EIF4G3: variants seen among roughly 807,000 people sequenced by gnomAD.
EIF4G3 encodes the protein eIF-4-gamma 3.
A neutral mutation model predicts 186.4 loss-of-function variants in EIF4G3; 34 were observed. The observed-to-expected ratio is 0.18, with a 90% confidence interval of 0.14 to 0.24. The LOEUF is 0.24. EIF4G3 is among the 10% of genes least tolerant of loss of function. The pLI is 1.00. For synonymous variants in EIF4G3, 673 were observed against 679.5 expected, an observed-to-expected ratio of 0.99 and a Z score of 0.15; for missense variants, 1,536 against 1,948.5, an observed-to-expected ratio of 0.79 and a Z score of 3.99.
At chr1:21,119,858 G>A (rs1382048029) in intron 2 of EIF4G3, among the ~76,000 whole-genome samples, 1 of 151,924 alleles carries the variant, frequency 6.6e-6, no homozygotes, top group Non-Finnish European at 1.5e-5. Flanking sequence ...CATCTTTCCA[G>A]AAATTTTCTA....
At chr1:20,990,127 T>C (rs972902510) in intron 7 of EIF4G3, among the ~76,000 whole-genome samples, 2 of 152,022 alleles carry the variant, frequency 1.3e-5, no homozygotes, top group African/African-American at 2.4e-5. Flanking sequence ...TGAGCAGAGA[T>C]TATGCCACTC....
intron 30 of EIF4G3, 66 bp from the exon 31 acceptor site, chr1:20,829,338 G>T: frequency 6.4e-7 from 1 of 1,568,590 alleles, no homozygotes; most frequent in Non-Finnish European, 8.7e-7. Flanking sequence ...TAAATAAAGA[G>T]ATAAAAAATC....
chr1:20,880,687 G>A (rs1258344211), intron 19 of EIF4G3, among the ~76,000 whole-genome samples: 1 of 152,190 alleles, frequency 6.6e-6, no homozygotes, highest in African/African-American at 2.4e-5. Flanking sequence ...GGAGGCAGCG[G>A]TTGCAATGAG....
At chr1:21,007,656 T>C (rs1373835262) in intron 4 of EIF4G3, among the ~76,000 whole-genome samples, 1 of 150,992 alleles carries the variant, frequency 6.6e-6, no homozygotes, top group African/African-American at 2.4e-5. Flanking sequence ...CAAGTCAACA[T>C]ACATCATGGA....
intron 26 of EIF4G3, among the ~76,000 whole-genome samples, chr1:20,853,954 C>T (rs891775330): frequency 8.6e-5 from 13 of 151,978 alleles, no homozygotes; most frequent in African/African-American, 3.1e-4. Flanking sequence ...GGAAGGCAAG[C>T]GAAAACAGAA....
intron 12 of EIF4G3, among the ~76,000 whole-genome samples, chr1:20,962,604 G>C (rs942932795): frequency 5.3e-5 from 8 of 152,132 alleles, no homozygotes; most frequent in African/African-American, 1.9e-4. Flanking sequence ...AGTACTGCCA[G>C]CATCACTGGT....
chr1:21,144,060 C>T (rs1220790084), intron 2 of EIF4G3, among the ~76,000 whole-genome samples: 2 of 152,174 alleles, frequency 1.3e-5, no homozygotes, highest in Non-Finnish European at 2.9e-5. Flanking sequence ...AAGCAAATAA[C>T]TAAATGAAGC....
At chr1:21,148,868 A>G (rs2097501960) in intron 2 of EIF4G3, among the ~76,000 whole-genome samples, 1 of 152,078 alleles carries the variant, frequency 6.6e-6, no homozygotes. Context: ...TGTTTTCAGT[A>G]AATTGTGGCA....
At chr1:20,853,828 G>C in intron 26 of EIF4G3, 151 bp from the exon 27 acceptor site, 1 of 607,124 alleles carries the variant, frequency 1.6e-6, no homozygotes, top group Non-Finnish European at 3.0e-6. Context: ...CATATTCTGA[G>C]AAGCAAAGTG....
chr1:21,166,339 A>T (rs867841962), intron 2 of EIF4G3, among the ~76,000 whole-genome samples: 31 of 152,120 alleles, frequency 2.0e-4, no homozygotes, highest in African/African-American at 7.2e-4. Context: ...CTGAGGCAGG[A>T]GGACTGCTTG....
At chr1:20,989,557 CAAAAAAAAAAAAAA>C (rs71014142) in intron 7 of EIF4G3, among the ~76,000 whole-genome samples, 4 of 34,700 alleles carry the variant, frequency 1.2e-4, no homozygotes, top group African/African-American at 3.5e-4. Context: ...AACTCCAACT[CAAAAAAAAAAAAAA>C]AAAAAAAAAA....
At chr1:20,919,174 T>C (rs1236000597) in intron 14 of EIF4G3, among the ~76,000 whole-genome samples, 3 of 152,300 alleles carry the variant, frequency 2.0e-5, no homozygotes, top group Middle Eastern at 3.4e-3. Context: ...CATATTGTCT[T>C]TTGATTTCCT....
intron 2 of EIF4G3, among the ~76,000 whole-genome samples, chr1:21,171,226 T>C (rs1403461352): frequency 6.6e-6 from 1 of 152,210 alleles, no homozygotes; most frequent in Non-Finnish European, 1.5e-5. Flanking sequence ...TGGCTAATAA[T>C]CAGGAACTAG....
At chr1:21,031,723 G>A (rs975461286) in intron 4 of EIF4G3, among the ~76,000 whole-genome samples, 1 of 152,156 alleles carries the variant, frequency 6.6e-6, no homozygotes, top group African/African-American at 2.4e-5. Context: ...AAAATAAAAA[G>A]TATATCCAGA....
In EIF4G3 at chr1:20,893,587, G is replaced by A. The variant is rs200708817; in HGVS notation, c.2183C>T (p.Pro728Leu). ...PMRTLDPRILPRGPDFTPAFA... is the reference protein window; with the variant it reads ...PMRTLDPRILLRGPDFTPAFA... ...GGCTGGTGTAAAGTCTGGTCCTCGA[G>A]GCAAAATTCGAGGATCCAGAGTTCG... is the stretch of plus-strand genomic sequence containing the variant. Residue 728 changes from proline (P) to leucine (L), a missense_variant, in exon 18 of 37, where the codon CCT becomes CTT. By Grantham distance (98) the Pro-to-Leu change is moderately conservative (BLOSUM62 -3). Transcript: ENST00000602326. 22 of 1,592,096 alleles carry A rather than the reference G, an allele frequency of 1.4e-5. No homozygotes were observed. The highest frequency in any genetic ancestry group is 1.6e-5 in the Non-Finnish European group (19 of 1,163,800).
At chr1:21,061,829 C>A (rs1302338587) in intron 3 of EIF4G3, among the ~76,000 whole-genome samples, 4 of 149,774 alleles carry the variant, frequency 2.7e-5, no homozygotes, top group Non-Finnish European at 4.4e-5. Flanking sequence ...CTCACTGTAA[C>A]CTTCACCTCC....
intron 2 of EIF4G3, among the ~76,000 whole-genome samples, chr1:21,128,796 G>A (rs1028719093): frequency 6.6e-6 from 1 of 152,078 alleles, no homozygotes; most frequent in African/African-American, 2.4e-5. Context: ...GTTTCTTGCA[G>A]TGAAATTTGA....
intron 2 of EIF4G3, among the ~76,000 whole-genome samples, chr1:21,123,018 T>C (rs1296059766): frequency 6.6e-6 from 1 of 152,202 alleles, no homozygotes; most frequent in Non-Finnish European, 1.5e-5. Flanking sequence ...TCTGGAAAAC[T>C]GCTATACAGC....
chr1:20,844,448 CCTTT>C (rs764129528), intron 29 of EIF4G3, among the ~76,000 whole-genome samples: 6 of 151,408 alleles, frequency 4.0e-5, no homozygotes, highest in Admixed American at 1.3e-4. Context: ...TGTATGTCTT[CCTTT>C]GAGTACTGTC....
Sources: gnomAD v4.1 joint callset for allele counts (sites outside exome capture counted in the v4.1 genomes callset) on GRCh38, gnomAD v4.1.1 for gene constraint, MANE v1.5 for transcripts, NCBI Gene and HGNC (gene_info 2026-07-23, HGNC 2026-07-21) for gene names.